The following TNC variants were observed in gnomAD, a reference collection of about 807,000 sequenced individuals.
TNC encodes tenascin.
Under a neutral mutation model 202.4 loss-of-function variants are expected in TNC, and 109 were observed. The ratio of observed to expected loss-of-function variants is 0.54; its 90% CI spans 0.46 to 0.63. TNC has a LOEUF of 0.63. TNC is among the 30% of genes least tolerant of loss of function. The pLI, the probability that TNC is intolerant of heterozygous loss-of-function variation, is 0.00. For missense variants in TNC, 2,756 were observed against 2,833.3 expected, an observed-to-expected ratio of 0.97 and a Z score of 0.62; for synonymous variants, 1,007 against 1,089.7, an observed-to-expected ratio of 0.92 and a Z score of 1.50.
In TNC at chr9:115,076,823, G is replaced by T. The variant is rs112173370; in HGVS notation, c.2675-248C>A. Among the ~76,000 whole-genome samples, 1,082 of 152,322 alleles carry T rather than the reference G, an allele frequency of 7.1e-3. 11 individuals carry two copies. The highest frequency in any genetic ancestry group is 0.018 in the South Asian group (86 of 4,824). ...GTTTTTCTCAGACTTTGTGGTTAAAGAAACAATGCAAAGACTTAAAAATAA... is the reference window on the plus strand; with the variant it reads ...GTTTTTCTCAGACTTTGTGGTTAAATAAACAATGCAAAGACTTAAAAATAA... On this transcript the variant is annotated intron_variant, in intron 7 of 27. Coordinates refer to ENST00000350763, the MANE Select transcript of TNC (RefSeq NM_002160.4).
chr9:115,034,261 C>T (rs777153208), intron 22 of TNC, among the ~76,000 whole-genome samples: 5 of 152,120 alleles, frequency 3.3e-5, no homozygotes, highest in South Asian at 2.1e-4. Flanking sequence ...TTTTATGGCA[C>T]TGTTATTTGG....
intron 13 of TNC, 111 bp downstream of exon 13, chr9:115,062,806 G>C (rs17241442): frequency 8.0e-7 from 1 of 1,252,006 alleles, no homozygotes; most frequent in East Asian, 2.5e-5. Flanking sequence ...AGAGATTCAC[G>C]CTGTCTGTCA....
At chr9:115,033,033 C>T (rs982452464) in intron 22 of TNC, among the ~76,000 whole-genome samples, 2 of 152,174 alleles carry the variant, frequency 1.3e-5, no homozygotes, top group African/African-American at 4.8e-5. Flanking sequence ...TGCAGAAGCC[C>T]CTGGAAGGTT....
intron 1 of TNC, among the ~76,000 whole-genome samples, chr9:115,105,018 A>G (rs1228462992): frequency 6.6e-6 from 1 of 152,198 alleles, no homozygotes; most frequent in African/African-American, 2.4e-5. Flanking sequence ...TCCCGATCCA[A>G]TGTGCTAATA....
intron 26 of TNC, 70 bp downstream of exon 26, chr9:115,026,464 G>A: frequency 6.6e-7 from 1 of 1,504,088 alleles, no homozygotes; most frequent in Admixed American, 1.9e-5. Context: ...ATGAAAGTTA[G>A]AGAAATAAAC....
chr9:115,077,917 T>C (rs1365077139), intron 7 of TNC, 26 bp downstream of exon 7: 10 of 1,606,106 alleles, frequency 6.2e-6, no homozygotes, highest in African/African-American at 1.3e-5. Flanking sequence ...CTTTACTATA[T>C]CTGTTAACAG....
At chr9:115,091,660 A>G (rs1186254183) in intron 1 of TNC, among the ~76,000 whole-genome samples, 1 of 152,204 alleles carries the variant, frequency 6.6e-6, no homozygotes, top group African/African-American at 2.4e-5. Context: ...CTTGCCTCTT[A>G]TTGATTTTCA....
At chr9:115,076,693 TCAGCACA>T in intron 7 of TNC, 118 bp from the exon 8 acceptor site, 1 of 1,128,184 alleles carries the variant, frequency 8.9e-7, no homozygotes, top group Non-Finnish European at 1.3e-6. Flanking sequence ...TACAAAATTC[TCAGCACA>T]CTCATCTGTC....
At position 115,118,084 on chromosome 9, in the gene TNC, G is replaced by A. The variant is rs1278791408; in HGVS notation, c.-239C>T. ...TTCCCCCGAGTTCCCCAGCAGCGCT[G>A]CCTTTGTGCCCACGGAGGCGGGGGC... On this transcript the variant is annotated 5_prime_UTR_variant, in exon 1 of 28. Transcript: ENST00000350763. The A allele has an allele frequency of 6.6e-6, 1 of 152,292 alleles. No homozygotes were observed. The highest frequency in any genetic ancestry group is 1.5e-5 in the Non-Finnish European group (1 of 68,116). The allele number at this position is 152,292 out of a possible 1,614,324, so 9.4% of individuals were successfully genotyped here. A position where few individuals can be genotyped will look rare whatever the true frequency, so the allele number is the denominator to read the frequency against.
At chr9:115,033,990 A>T (rs1830134014) in intron 22 of TNC, among the ~76,000 whole-genome samples, 1 of 152,220 alleles carries the variant, frequency 6.6e-6, no homozygotes, top group Admixed American at 6.5e-5. Context: ...TTAAAGGCCA[A>T]TGTGGAGTGT....
Position 115,062,652 on chromosome 9 carries a change from T to C in TNC, c.4033+265A>G, listed in dbSNP as rs114643604. ...ATATATCTATATATACACACACACA[T>C]ATATATATATACACACACACACTAT... On this transcript the variant is annotated intron_variant, in intron 13 of 27. Transcript: ENST00000350763. Among the ~76,000 whole-genome samples the C allele has an allele frequency of 8.3e-3, 1,223 of 147,174 alleles. 12 individuals are homozygous for C. The highest frequency in any genetic ancestry group is 0.026 in the African/African-American group (1,048 of 39,780).
intron 26 of TNC, among the ~76,000 whole-genome samples, chr9:115,024,843 T>C (rs1272179449): frequency 3.3e-5 from 5 of 152,232 alleles, no homozygotes; most frequent in Non-Finnish European, 7.3e-5. Context: ...TATTGAATTT[T>C]TGAAGCATTT....
At position 115,084,260 on chromosome 9, in the gene TNC, C is replaced by G. The variant is rs139833577; in HGVS notation, c.2080G>C (p.Ala694Pro). 6.2e-7 allele frequency: 1 copy of G among 1,614,052 alleles called. No individual in the cohort carries two copies. The highest frequency in any genetic ancestry group is 8.5e-7 in the Non-Finnish European group (1 of 1,180,042). ...PGVEYFIRVF[A>P]ILENKKSIPV... ...ATGCTCTTCTTGTTCTCCAGGATGG[C>G]AAATACACGGATAAAGTACTCCACA... Residue 694 changes from alanine (A) to proline (P), a missense_variant, in exon 4 of 28, where the codon GCC becomes CCC. By Grantham distance (27) the Ala-to-Pro change is conservative. Transcript: ENST00000350763.
chr9:115,115,862 C>T (rs57325849), intron 1 of TNC, among the ~76,000 whole-genome samples: 17,153 of 152,194 alleles, frequency 0.11, 1,673 homozygotes, highest in African/African-American at 0.26. Context: ...CAAAGCAGCC[C>T]TGCATTTACC....
chr9:115,046,398 T>C lies in TNC; in HGVS notation c.5125+12A>G. 1.9e-6 allele frequency: 3 copies of C among 1,613,220 alleles called. No homozygotes were observed. In the East Asian group the frequency reaches 6.7e-5, roughly 36 times the overall value. On this transcript the variant is annotated intron_variant, in intron 17 of 27. Coordinates refer to ENST00000350763, the MANE Select transcript of TNC (RefSeq NM_002160.4). ...TGACTTTTCTCTGTTCTCTCCTGTTTATTTACAGTACCTGTTGTTGCTATA... is the reference window on the plus strand; with the variant it reads ...TGACTTTTCTCTGTTCTCTCCTGTTCATTTACAGTACCTGTTGTTGCTATA...
chr9:115,086,490 C>G lies in TNC; in HGVS notation c.1241G>C (p.Gly414Ala). The G allele has an allele frequency of 6.2e-7, 1 of 1,613,616 alleles. No individual in the cohort carries two copies. Among genetic ancestry groups the G allele is most frequent in the Non-Finnish European group, 8.5e-7 (1 of 1,179,954 alleles). ...CTGCCCATTGACACAGCGGCCATGG[C>G]CACTGCAGCCATTGGGACACTTGAG... The part of the protein sequence containing the change: ...GELKCPNGCS[G>A]HGRCVNGQCV... The change falls in exon 3 of 28, where the codon GGC becomes GCC. Residue 414 changes from glycine to alanine, a missense_variant. Around this residue, in one of 2 missense-constraint regions of TNC, gnomAD observed 2,559 missense variants for 2,546.0 expected, o/e 1.01. Coordinates refer to ENST00000350763, the MANE Select transcript of TNC (RefSeq NM_002160.4).
Position 115,077,943 on chromosome 9 carries a change from C to T in TNC, c.2674G>A (p.Gly892Ser). Reference sequence around the variant, plus strand: ...CTGTTAACAGGGGGAGGCCTTTTACCTGTTGTGAAGGTCTCTTTGGCTGGG... The same window carrying T: ...CTGTTAACAGGGGGAGGCCTTTTACTTGTTGTGAAGGTCTCTTTGGCTGGG... ...SNPAKETFTTGLDAPRNLRRV... is the reference protein window; with the variant it reads ...SNPAKETFTTSLDAPRNLRRV... Residue 892 changes from glycine (G) to serine (S), a missense_variant and splice_region_variant, in exon 7 of 28, where the codon GGC becomes AGC. Around this residue, in one of 2 missense-constraint regions of TNC, gnomAD observed 2,559 missense variants for 2,546.0 expected, o/e 1.01. Coordinates refer to ENST00000350763, the MANE Select transcript of TNC (RefSeq NM_002160.4). 6.2e-7 allele frequency: 1 copy of T among 1,613,074 alleles called. No individual in the cohort carries two copies. Among genetic ancestry groups the T allele is most frequent in the Non-Finnish European group, 8.5e-7 (1 of 1,179,230 alleles).
rs1294128484 is a variant in TNC, at chr9:115,063,853, T to G, written c.3703A>C (p.Ile1235Leu). ...CTGAAGTCCTGAGTGACCCCGCGGA[T>G]GGTGATGGTATAATGAGTGGCTGCT... ...LKAATHYTIT[I>L]RGVTQDFSTT... is the part of the protein sequence containing the mutation. The change falls in exon 12 of 28, where the codon ATC becomes CTC. Residue 1235 changes from isoleucine to leucine, a missense_variant. Transcript: ENST00000350763. 1 of 1,614,118 alleles carries G rather than the reference T, an allele frequency of 6.2e-7. No homozygotes were observed. The highest frequency in any genetic ancestry group is 1.7e-5 in the Admixed American group (1 of 60,020).
At chr9:115,111,854 C>A (rs2134368781) in intron 1 of TNC, among the ~76,000 whole-genome samples, 1 of 152,128 alleles carries the variant, frequency 6.6e-6, no homozygotes. Context: ...TGGAGTCCAG[C>A]CAACAACCAC....
Sources: allele counts gnomAD v4.1 joint callset (sites outside exome capture counted in the v4.1 genomes callset), GRCh38; gene constraint gnomAD v4.1.1; regional missense constraint gnomAD v4.1.1; transcripts MANE v1.5; gene names NCBI Gene and HGNC (gene_info 2026-07-23, HGNC 2026-07-21).